ADAP1: variants seen among roughly 807,000 people sequenced by gnomAD.
ADAP1 encodes arf-GAP with dual PH domain-containing protein 1.
ADAP1 carries 31 observed loss-of-function variants against 54.9 expected under a neutral mutation model. The observed-to-expected ratio is 0.56, with a 90% CI of 0.42 to 0.76. The LOEUF (loss-of-function observed/expected upper bound fraction) is 0.76. ADAP1 is among the 30% of genes least tolerant of loss of function. ADAP1 has a pLI of 0.00. For synonymous variants in ADAP1, 313 were observed against 202.6 expected (o/e 1.55, Z -4.63); for missense variants, 535 against 512.4 (o/e 1.04, Z -0.42).
chr7:955,162 G>T, upstream of ADAP1: 1 of 765,612 alleles, frequency 1.3e-6, no homozygotes, highest in Non-Finnish European at 2.2e-6. Flanking sequence ...CTCCCCCTGA[G>T]ACCCACCCAG....
chr7:915,877 A>C (rs867668029), intron 4 of ADAP1, among the ~76,000 whole-genome samples: 42 of 151,790 alleles, frequency 2.8e-4, no homozygotes, highest in Admixed American at 1.3e-3. Context: ...ACTTTCCACG[A>C]GACGCTGTCT....
intron 1 of ADAP1, among the ~76,000 whole-genome samples, chr7:942,271 CTGAG>C (rs1846957617): frequency 6.7e-6 from 1 of 149,046 alleles, no homozygotes; most frequent in African/African-American, 2.5e-5. Flanking sequence ...GCAGAATCCA[CTGAG>C]AGAGAGAGGA....
intron 4 of ADAP1, among the ~76,000 whole-genome samples, chr7:907,716 C>T (rs1410272401): frequency 6.6e-6 from 1 of 152,234 alleles, no homozygotes; most frequent in East Asian, 1.9e-4. Context: ...CAGCATGTGG[C>T]TTGCAGCATC....
chr7:934,690 T>C (rs1846692587), intron 2 of ADAP1, among the ~76,000 whole-genome samples: 1 of 152,178 alleles, frequency 6.6e-6, no homozygotes, highest in South Asian at 2.1e-4. Context: ...TACGGGGCCC[T>C]TCCTGCCGCC....
chr7:925,500 A>G (rs1357806274), intron 3 of ADAP1, among the ~76,000 whole-genome samples: 1 of 63,010 alleles, frequency 1.6e-5, no homozygotes, highest in Admixed American at 1.9e-4. Flanking sequence ...CCCGCCTTCC[A>G]GGGGCCTTCG....
Position 920,888 on chromosome 7 carries a change from AC to A in ADAP1, c.306-839del, listed in dbSNP as rs763461280. 5.2e-6 allele frequency: 8 copies of A among 1,549,756 alleles called. No individual in the cohort carries two copies. In the South Asian group the frequency reaches 9.5e-5, roughly 18 times the overall value. On this transcript the variant is annotated intron_variant, in intron 3 of 10. Coordinates refer to ENST00000265846, the MANE Select transcript of ADAP1 (RefSeq NM_006869.4). The surrounding 1 kb of genome is among the most constrained non-coding windows in gnomAD (Gnocchi z 4.5). ...CAGCCTTTTCCACTCCCAGGGAATTACGCGGCAAAGAACAAATAGGAACCCT... is the reference window on the plus strand; with the variant it reads ...CAGCCTTTTCCACTCCCAGGGAATTAGCGGCAAAGAACAAATAGGAACCCT...
chr7:951,396 C>A (rs887082815), intron 1 of ADAP1, among the ~76,000 whole-genome samples: 2 of 151,394 alleles, frequency 1.3e-5, no homozygotes, highest in South Asian at 2.1e-4. Flanking sequence ...AATATCCAAC[C>A]TAGTTGGGCC....
chr7:949,834 A>G (rs1381720780), intron 1 of ADAP1, among the ~76,000 whole-genome samples: 1 of 152,234 alleles, frequency 6.6e-6, no homozygotes, highest in Non-Finnish European at 1.5e-5. Context: ...GGCACGTGTG[A>G]CCTGCTGGCC....
At chr7:900,951 C>T (rs1205930267) in intron 6 of ADAP1, 1 of 549,026 alleles carries the variant, frequency 1.8e-6, no homozygotes, top group Non-Finnish European at 3.6e-6. Context: ...GGCCCTGGTG[C>T]TGCTGGGGCC....
rs1357461486 is a variant in ADAP1 at position 920,686 on chromosome 7, A to G, written c.306-636T>C. On this transcript the variant is annotated intron_variant, in intron 3 of 10. Coordinates refer to ENST00000265846, the MANE Select transcript of ADAP1 (RefSeq NM_006869.4). The surrounding 1 kb of genome is among the most constrained non-coding windows in gnomAD (Gnocchi z 4.5). ...CCCGGGATGAGGAGAAGCCCCCGAGAGTAAAGCCCGGGACGAGGGCCCCCC... is the reference window on the plus strand; with the variant it reads ...CCCGGGATGAGGAGAAGCCCCCGAGGGTAAAGCCCGGGACGAGGGCCCCCC... 14 of 997,782 alleles carry G rather than the reference A, an allele frequency of 1.4e-5. No individual in the cohort carries two copies. The highest frequency in any genetic ancestry group is 2.3e-4 in the Middle Eastern group (1 of 4,372). The allele number at this position is 997,782 out of a possible 1,614,324, so 61.8% of individuals were successfully genotyped here.
At chr7:909,145 G>GGACGCCGCATTCCAGGGGCAATGA (rs1845606302) in intron 4 of ADAP1, among the ~76,000 whole-genome samples, 1 of 149,112 alleles carries the variant, frequency 6.7e-6, no homozygotes, top group Non-Finnish European at 1.5e-5. Context: ...GCAGGCGCCA[G>GGACGCCGCATTCCAGGGGCAATGA]CGGGAACCCC....
intron 4 of ADAP1, among the ~76,000 whole-genome samples, chr7:905,890 A>AAAGGG (rs1845248965): frequency 1.4e-3 from 3 of 2,194 alleles, no homozygotes; most frequent in Non-Finnish European, 5.4e-3. Flanking sequence ...AGGAGAAAGG[A>AAAGGG]GAAAGGAGAA....
intron 2 of ADAP1, among the ~76,000 whole-genome samples, chr7:931,582 C>T (rs73254060): frequency 0.017 from 2,599 of 152,118 alleles, 79 homozygotes; most frequent in African/African-American, 0.058. Context: ...GGGGTAAGAG[C>T]CAAAAGGCAC....
chr7:917,440 C>A (rs1474371341), intron 4 of ADAP1, among the ~76,000 whole-genome samples: 1 of 152,182 alleles, frequency 6.6e-6, no homozygotes, highest in African/African-American at 2.4e-5. Context: ...AACACCAGGA[C>A]TGTGTTCAGC....
At chr7:914,914 A>AGCCCT (rs1405665194) in intron 4 of ADAP1, among the ~76,000 whole-genome samples, 1 of 151,864 alleles carries the variant, frequency 6.6e-6, no homozygotes, top group African/African-American at 2.4e-5. Flanking sequence ...AGGAGGGGTG[A>AGCCCT]GCCCTGCCCT....
intron 2 of ADAP1, chr7:927,097 A>C (rs1162409419): frequency 1.5e-6 from 2 of 1,303,990 alleles, no homozygotes; most frequent in African/African-American, 3.0e-5. Context: ...GGGGGCCTGG[A>C]GATGGGCTGG....
At chr7:915,122 G>A (rs533826650) in intron 4 of ADAP1, among the ~76,000 whole-genome samples, 3 of 151,788 alleles carry the variant, frequency 2.0e-5, no homozygotes, top group Non-Finnish European at 2.9e-5. Flanking sequence ...TGGAGCAGCC[G>A]CAGTCTACGA....
intron 1 of ADAP1, 134 bp from the exon 2 acceptor site, chr7:935,639 C>T (rs994026814): frequency 8.6e-7 from 1 of 1,167,176 alleles, no homozygotes. Flanking sequence ...GTACACCAGG[C>T]TCCGTGCGCC....
At position 899,499 on chromosome 7, in the gene ADAP1, CAG is replaced by C. The variant is rs773604573; in HGVS notation, c.796-11_796-10del. 1.6e-5 allele frequency: 26 copies of C among 1,612,240 alleles called. 1 individual carries two copies. The South Asian group carries it at 2.6e-4, about 16-fold the overall frequency. On this transcript the variant is annotated splice_polypyrimidine_tract_variant and intron_variant, in intron 8 of 10. Coordinates refer to ENST00000265846, the MANE Select transcript of ADAP1 (RefSeq NM_006869.4). ...CGGAAGCCTTCCGTTTGCTGTGGGT[CAG>C]AGAGGGCCCGTGACCGGCAGGTCGC...
Sources: gnomAD v4.1 joint callset for allele counts (sites outside exome capture counted in the v4.1 genomes callset) on GRCh38, gnomAD v4.1.1 for gene constraint, Gnocchi (gnomAD v3.1) non-coding constraint, MANE v1.5 for transcripts, NCBI Gene and HGNC (gene_info 2026-07-23, HGNC 2026-07-21) for gene names.